Variants in CNBD1 observed in about 807,000 individuals in gnomAD.
The protein encoded by CNBD1 is cyclic nucleotide binding domain containing 1.
In CNBD1, 71 loss-of-function variants were observed where a neutral mutation model predicts 54.4. The ratio of observed to expected loss-of-function variants is 1.30; its 90% CI spans 1.08 to 1.59. CNBD1 has a LOEUF of 1.59. Among genes scored for constraint, CNBD1 ranks in the 40% most tolerant of loss-of-function variants. The pLI, the probability that CNBD1 is intolerant of heterozygous loss-of-function variation, is 0.00. For synonymous variants in CNBD1, 182 were observed against 170.7 expected (o/e 1.07, Z -0.51); for missense variants, 659 against 518.0 (o/e 1.27, Z -2.64).
chr8:86,903,922 T>C (rs528133397), intron 2 of CNBD1, among the ~76,000 whole-genome samples: 3 of 152,084 alleles, frequency 2.0e-5, no homozygotes, highest in African/African-American at 4.8e-5. Flanking sequence ...TTTAAAAAGA[T>C]TCGATGCTTG....
At chr8:87,010,110 C>T (rs1226215827) in intron 4 of CNBD1, among the ~76,000 whole-genome samples, 1 of 151,856 alleles carries the variant, frequency 6.6e-6, no homozygotes, top group Non-Finnish European at 1.5e-5. Flanking sequence ...TTTCTTGATC[C>T]TTCAAGTTAA....
At chr8:87,387,203 A>G (rs940733972), downstream of CNBD1, among the ~76,000 whole-genome samples, 1 of 152,136 alleles carries the variant, frequency 6.6e-6, no homozygotes, top group African/African-American at 2.4e-5. Flanking sequence ...TCAACTAATG[A>G]GCAAAATAAC....
At chr8:86,970,903 C>T (rs1808205373) in intron 4 of CNBD1, among the ~76,000 whole-genome samples, 1 of 152,104 alleles carries the variant, frequency 6.6e-6, no homozygotes, top group Non-Finnish European at 1.5e-5. Context: ...TTGTTGTTCA[C>T]AGAATTATTA....
chr8:87,229,408 T>G (rs758580071), intron 5 of CNBD1, among the ~76,000 whole-genome samples: 18 of 152,206 alleles, frequency 1.2e-4, no homozygotes, highest in Non-Finnish European at 1.9e-4. Flanking sequence ...TATATTTAGC[T>G]TGCATTATTA....
chr8:87,093,665 C>A (rs1206102474), intron 4 of CNBD1, among the ~76,000 whole-genome samples: 2 of 152,130 alleles, frequency 1.3e-5, no homozygotes. Context: ...TACAATCAAC[C>A]ATGACAGAGA....
chr8:87,389,939 T>G (rs1159524580), intron 2 of CNBD1, among the ~76,000 whole-genome samples: 1 of 151,968 alleles, frequency 6.6e-6, no homozygotes. Flanking sequence ...TCAGAAATAA[T>G]GCCACATATC....
At chr8:87,342,057 A>G (rs1810075474) in intron 8 of CNBD1, among the ~76,000 whole-genome samples, 1 of 152,118 alleles carries the variant, frequency 6.6e-6, no homozygotes, top group Admixed American at 6.6e-5. Context: ...GCAGATCACA[A>G]GGTCAGGAGA....
intron 8 of CNBD1, among the ~76,000 whole-genome samples, chr8:87,311,499 G>T (rs1008395181): frequency 1.3e-5 from 2 of 152,078 alleles, no homozygotes; most frequent in Non-Finnish European, 2.9e-5. Flanking sequence ...CACAGTTGGT[G>T]GGAATGTAAA....
chr8:87,062,980 TAAC>T (rs1810576404), intron 4 of CNBD1, among the ~76,000 whole-genome samples: 1 of 152,130 alleles, frequency 6.6e-6, no homozygotes, highest in African/African-American at 2.4e-5. Context: ...GTTATTAGTA[TAAC>T]AACTGAAAAA....
intron 2 of CNBD1, among the ~76,000 whole-genome samples, chr8:87,404,597 G>C (rs761969259): frequency 6.6e-6 from 1 of 152,080 alleles, no homozygotes; most frequent in Non-Finnish European, 1.5e-5. Context: ...GTTGCATGTA[G>C]AAGTGGTTCT....
At chr8:87,276,997 A>G (rs1239738647) in intron 6 of CNBD1, among the ~76,000 whole-genome samples, 1 of 151,494 alleles carries the variant, frequency 6.6e-6, no homozygotes, top group African/African-American at 2.4e-5. Flanking sequence ...TTTTTGAAAT[A>G]CACATCTGGT....
chr8:87,245,434 T>C (rs544097696), intron 6 of CNBD1, among the ~76,000 whole-genome samples: 12 of 151,066 alleles, frequency 7.9e-5, no homozygotes, highest in Non-Finnish European at 1.6e-4. Flanking sequence ...TTCAGAAACA[T>C]ACACTTAAAT....
chr8:87,210,074 A>G (rs1051912759), intron 5 of CNBD1, among the ~76,000 whole-genome samples: 1 of 152,206 alleles, frequency 6.6e-6, no homozygotes, highest in Non-Finnish European at 1.5e-5. Flanking sequence ...CAGAGAAAGG[A>G]CAGTCTCTTT....
intron 2 of CNBD1, among the ~76,000 whole-genome samples, chr8:87,394,858 T>G (rs528677293): frequency 9.9e-5 from 15 of 152,004 alleles, no homozygotes; most frequent in Admixed American, 2.6e-4. Context: ...TTTACACTAT[T>G]TTTTACTCTG....
At chr8:87,324,739 C>T (rs374590424) in intron 8 of CNBD1, among the ~76,000 whole-genome samples, 2 of 149,544 alleles carry the variant, frequency 1.3e-5, no homozygotes, top group African/African-American at 2.5e-5. Flanking sequence ...TTTGTTGATC[C>T]TTTCAAAAAA....
intron 4 of CNBD1, among the ~76,000 whole-genome samples, chr8:86,989,550 A>C (rs917341655): frequency 2.0e-5 from 3 of 152,140 alleles, no homozygotes; most frequent in African/African-American, 4.8e-5. Context: ...TCCCAGGTTC[A>C]AGTGATTCTC....
intron 5 of CNBD1, among the ~76,000 whole-genome samples, chr8:87,225,861 A>G (rs1408667868): frequency 2.1e-5 from 3 of 144,980 alleles, no homozygotes; most frequent in East Asian, 3.9e-4. Context: ...CTGTGAATCC[A>G]TCTGGTCCAG....
intron 3 of CNBD1, among the ~76,000 whole-genome samples, chr8:86,918,643 A>G (rs948099405): frequency 5.9e-5 from 9 of 151,684 alleles, no homozygotes; most frequent in Non-Finnish European, 1.0e-4. Flanking sequence ...GCTGCCACAT[A>G]AGACATGCCT....
intron 5 of CNBD1, among the ~76,000 whole-genome samples, chr8:87,207,308 T>C (rs543635841): frequency 1.3e-5 from 2 of 152,146 alleles, no homozygotes. Context: ...TATTTTGATA[T>C]ATCTATTATA....
Sources: allele counts gnomAD v4.1 joint callset (sites outside exome capture counted in the v4.1 genomes callset), GRCh38; gene constraint gnomAD v4.1.1; transcripts MANE v1.5; gene names NCBI Gene and HGNC (gene_info 2026-07-23, HGNC 2026-07-21).